SKIL: variants seen among roughly 807,000 people sequenced by gnomAD.
The protein encoded by SKIL is SKI like proto-oncogene.
In SKIL, 20 loss-of-function variants were observed where a neutral mutation model predicts 69.6. That is an observed-to-expected ratio of 0.29 (90% CI 0.20 to 0.42). SKIL has a LOEUF of 0.42. Ranked by LOEUF, SKIL falls within the 10% of genes least tolerant of loss-of-function variation. The pLI is 1.00. For missense variants in SKIL, 745 were observed against 783.1 expected, an observed-to-expected ratio of 0.95 and a Z score of 0.58; for synonymous variants, 310 against 279.9, an observed-to-expected ratio of 1.11 and a Z score of -1.08.
Position 170,360,417 on chromosome 3 carries a change from C to G in SKIL, c.86C>G (p.Ala29Gly). ...NGMGDDGSPP[A>G]KKMITDIHAN... Reference sequence around the variant, plus strand: ...ATGGGAGATGATGGCAGCCCCCCAGCGAAAAAAATGATAACGGACATTCAT... The same window carrying G: ...ATGGGAGATGATGGCAGCCCCCCAGGGAAAAAAATGATAACGGACATTCAT... The change falls in exon 2 of 7, where the codon GCG becomes GGG. Residue 29 changes from alanine to glycine, a missense_variant. Coordinates refer to ENST00000259119, the MANE Select transcript of SKIL (RefSeq NM_005414.5). The G allele has an allele frequency of 6.2e-7, 1 of 1,612,506 alleles. No homozygotes were observed. Among genetic ancestry groups the G allele is most frequent in the Non-Finnish European group, 8.5e-7 (1 of 1,179,292 alleles).
chr3:170,387,795 G>T (rs1220345303), intron 4 of SKIL, among the ~76,000 whole-genome samples: 1 of 130,588 alleles, frequency 7.7e-6, no homozygotes, highest in Non-Finnish European at 1.7e-5. Context: ...TTAGCCGGGC[G>T]TAGTGGCGGG....
chr3:170,362,185 GTTATT>G (rs1305595286), intron 2 of SKIL, among the ~76,000 whole-genome samples: 1 of 152,198 alleles, frequency 6.6e-6, no homozygotes, highest in Non-Finnish European at 1.5e-5. Context: ...GTAAGGAAAA[GTTATT>G]TTAAACTAAT....
At chr3:170,374,113 A>T (rs1442607895) in intron 2 of SKIL, among the ~76,000 whole-genome samples, 1 of 152,240 alleles carries the variant, frequency 6.6e-6, no homozygotes, top group Admixed American at 6.5e-5. Context: ...TCAAAGGGTC[A>T]CGTATACAGA....
At chr3:170,374,501 A>C (rs768678265) in intron 2 of SKIL, among the ~76,000 whole-genome samples, 3 of 152,206 alleles carry the variant, frequency 2.0e-5, no homozygotes, top group Non-Finnish European at 4.4e-5. Context: ...TCCTATGTTG[A>C]AAGGTAAGAT....
At position 170,360,867 on chromosome 3, in the gene SKIL, C is replaced by T. The variant is rs146052952; in HGVS notation, c.536C>T (p.Thr179Ile). 2.3e-5 allele frequency: 37 copies of T among 1,614,148 alleles called. No individual in the cohort carries two copies. The African/African-American group carries it at 4.9e-4, about 22-fold the overall frequency. The change falls in exon 2 of 7, where the codon ACA (threonine) becomes ATA (isoleucine). Residue 179 changes from threonine to isoleucine, a missense_variant. Physicochemically the swap from Thr to Ile is moderately conservative, Grantham distance 89. Transcript: ENST00000259119. ...QVLNSVLREF[T>I]LQQINTVCDE... Reference sequence around the variant, plus strand: ...TTAAATTCTGTTCTCCGAGAATTTACACTCCAGCAAATAAATACAGTGTGT... The same window carrying T: ...TTAAATTCTGTTCTCCGAGAATTTATACTCCAGCAAATAAATACAGTGTGT...
At chr3:170,374,545 A>G (rs1332077697) in intron 2 of SKIL, among the ~76,000 whole-genome samples, 2 of 152,204 alleles carry the variant, frequency 1.3e-5, no homozygotes, top group East Asian at 1.9e-4. Context: ...TTGGTATCTA[A>G]TTTTTATTCC....
intron 2 of SKIL, among the ~76,000 whole-genome samples, chr3:170,376,042 C>CTTTTTTTT (rs869036195): frequency 2.2e-5 from 2 of 89,130 alleles, no homozygotes; most frequent in East Asian, 3.2e-4. Context: ...GCTGATTTTC[C>CTTTTTTTT]TTTTTTTTTT....
chr3:170,370,016 G>T (rs999697098), intron 2 of SKIL, among the ~76,000 whole-genome samples: 69 of 151,932 alleles, frequency 4.5e-4, no homozygotes, highest in African/African-American at 1.4e-3. Flanking sequence ...GAGACGGGCG[G>T]ATCATGAGGT....
intron 2 of SKIL, among the ~76,000 whole-genome samples, chr3:170,369,012 T>C (rs910293707): frequency 1.4e-4 from 21 of 152,022 alleles, no homozygotes; most frequent in African/African-American, 5.1e-4. Context: ...TTATAATAAC[T>C]TCAGAGTAAT....
intron 1 of SKIL, among the ~76,000 whole-genome samples, chr3:170,358,287 G>C (rs955409461): frequency 4.6e-5 from 7 of 151,950 alleles, no homozygotes; most frequent in South Asian, 2.1e-4. Flanking sequence ...TGCGCGGGGG[G>C]GTGGATTTCC....
chr3:170,363,921 G>A (rs1363048104), intron 2 of SKIL, among the ~76,000 whole-genome samples: 2 of 152,090 alleles, frequency 1.3e-5, no homozygotes, highest in African/African-American at 2.4e-5. Flanking sequence ...TTTGATATTT[G>A]TGATATCTTG....
intron 2 of SKIL, among the ~76,000 whole-genome samples, chr3:170,370,241 AAAAAT>A (rs913312933): frequency 5.3e-5 from 8 of 152,158 alleles, no homozygotes; most frequent in East Asian, 1.9e-4. Flanking sequence ...TCCGTCTCAA[AAAAAT>A]AAAATAAAAT....
intron 2 of SKIL, among the ~76,000 whole-genome samples, chr3:170,370,442 C>G (rs74818060): frequency 0.066 from 74 of 1,120 alleles, 10 homozygotes; most frequent in African/African-American, 0.18. Flanking sequence ...AGAGAGAGCC[C>G]CCCCCCCCCC....
At position 170,393,356 on chromosome 3, in the gene SKIL, G is replaced by T. The variant is rs963375236; in HGVS notation, c.*939G>T. The stretch of plus-strand genomic sequence containing the variant: ...TTGTAAAATGTTAAACACCTTGAAG[G>T]TTATTTTGGACTTCTGTATGTTTAA... On this transcript the variant is annotated 3_prime_UTR_variant, in exon 7 of 7. Coordinates refer to ENST00000259119, the MANE Select transcript of SKIL (RefSeq NM_005414.5). 1.3e-5 allele frequency: 2 copies of T among 152,012 alleles called. No homozygotes were observed. Among genetic ancestry groups the T allele is most frequent in the Admixed American group, 6.6e-5 (1 of 15,262 alleles). The allele number at this position is 152,012 out of a possible 1,614,324, so 9.4% of individuals were successfully genotyped here. A position where few individuals can be genotyped will look rare whatever the true frequency, so the allele number is the denominator to read the frequency against.
Position 170,394,818 on chromosome 3 carries a change from CA to C in SKIL, c.*2405del, listed in dbSNP as rs1560225529. ...AACTTTAAACTGCAACACATAGCTT[CA>C]AAACAATATAGAGATTTTGTAATAC... is the stretch of plus-strand genomic sequence containing the variant. On this transcript the variant is annotated 3_prime_UTR_variant, in exon 7 of 7. Coordinates refer to ENST00000259119, the MANE Select transcript of SKIL (RefSeq NM_005414.5). The C allele has an allele frequency of 6.6e-6, 1 of 152,106 alleles. No homozygotes were observed. 9.4% of individuals were successfully genotyped at this position (152,106 alleles called of 1,614,324 possible). A position where few individuals can be genotyped will look rare whatever the true frequency, so the allele number is the denominator to read the frequency against.
intron 2 of SKIL, among the ~76,000 whole-genome samples, chr3:170,374,764 A>G (rs1350456575): frequency 2.0e-5 from 3 of 152,234 alleles, no homozygotes; most frequent in Non-Finnish European, 4.4e-5. Flanking sequence ...TTACCACAGC[A>G]TATTAGGTAA....
At chr3:170,385,117 T>C (rs1292332213) in intron 4 of SKIL, 1 of 178,726 alleles carries the variant, frequency 5.6e-6, no homozygotes, top group Non-Finnish European at 1.2e-5. Context: ...AGAGTCTTTA[T>C]CGCCTAGGCT....
At chr3:170,366,366 T>A (rs950945752) in intron 2 of SKIL, among the ~76,000 whole-genome samples, 1 of 152,078 alleles carries the variant, frequency 6.6e-6, no homozygotes, top group African/African-American at 2.4e-5. Context: ...TCTTTCTTAC[T>A]CAAGTCGCCA....
chr3:170,365,888 T>C (rs1293999298), intron 2 of SKIL, among the ~76,000 whole-genome samples: 4 of 151,722 alleles, frequency 2.6e-5, no homozygotes, highest in African/African-American at 9.7e-5. Flanking sequence ...CCCAAGTAGC[T>C]GCAATTACAG....
Sources: allele counts gnomAD v4.1 joint callset (sites outside exome capture counted in the v4.1 genomes callset), GRCh38; gene constraint gnomAD v4.1.1; transcripts MANE v1.5; gene names NCBI Gene and HGNC (gene_info 2026-07-23, HGNC 2026-07-21).